MYH14: variants seen among roughly 807,000 people sequenced by gnomAD.
The protein encoded by MYH14 is myosin heavy chain 14.
A neutral mutation model predicts 255.5 loss-of-function variants in MYH14; 123 were observed. The observed-to-expected ratio is 0.48, with a 90% CI of 0.42 to 0.56. The LOEUF (loss-of-function observed/expected upper bound fraction) is 0.56. Among genes scored for constraint, MYH14 ranks in the 20% least tolerant of loss-of-function variants. The probability of loss-of-function intolerance (pLI) is 0.00; values close to 1 mark genes in which losing one functional copy is unlikely to be tolerated. For synonymous variants in MYH14, 1,095 were observed against 1,161.2 expected, an observed-to-expected ratio of 0.94 and a Z score of 1.16; for missense variants, 2,423 against 2,802.3, an observed-to-expected ratio of 0.86 and a Z score of 3.06.
Position 50,250,506 on chromosome 19 carries a change from A to G in MYH14, c.1657-9A>G. On this transcript the variant is annotated splice_polypyrimidine_tract_variant and intron_variant, in intron 14 of 42. Transcript: ENST00000642316. This position sits in a 1 kb window ranked among gnomAD's most constrained non-coding sequence, Gnocchi z 5.4. ...TCTGACTTACTCTCCCCCTGCTGTC[A>G]ATGGCCAGGCCAACCCCCCTGGACT... 1 of 1,611,554 alleles carries G rather than the reference A, an allele frequency of 6.2e-7. No individual in the cohort carries two copies. The highest frequency in any genetic ancestry group is 8.5e-7 in the Non-Finnish European group (1 of 1,178,920).
At chr19:50,299,944 CAA>C (rs761909705) in intron 39 of MYH14, among the ~76,000 whole-genome samples, 2 of 151,874 alleles carry the variant, frequency 1.3e-5, no homozygotes, top group Non-Finnish European at 2.9e-5. Context: ...GACTGTGTCT[CAA>C]AACAAACAAA....
At position 50,230,660 on chromosome 19, in the gene MYH14, G is replaced by C. The variant is rs769502423; in HGVS notation, c.973+37G>C. ...CCCGTCCTACCCTGCTCACCCGGGA[G>C]AGGGTGGGCACCATGTCTCTCGGGG... On this transcript the variant is annotated intron_variant, in intron 9 of 42. Transcript: ENST00000642316. This position sits in a 1 kb window ranked among gnomAD's most constrained non-coding sequence, Gnocchi z 4.7. The C allele has an allele frequency of 2.5e-5, 38 of 1,524,942 alleles. No homozygotes were observed. Among genetic ancestry groups the C allele is most frequent in the Non-Finnish European group, 3.4e-5 (38 of 1,123,958 alleles). The allele number at this position is 1,524,942 out of a possible 1,614,324, so 94.5% of individuals were successfully genotyped here.
chr19:50,230,019 A>T lies in MYH14; in HGVS notation c.875-506A>T, dbSNP rs920887596. ...AACCTCCTCCTCCCGGGTTCAAGCG[A>T]TTCTCCTGCCTCAGCCTCCCAAGCA... On this transcript the variant is annotated intron_variant, in intron 8 of 42. Transcript: ENST00000642316. The surrounding 1 kb of genome is among the most constrained non-coding windows in gnomAD (Gnocchi z 4.7). 1.2e-4 allele frequency among the ~76,000 whole-genome samples: 19 copies of T among 152,088 alleles called. No homozygotes were observed. The highest frequency in any genetic ancestry group is 2.6e-4 in the Non-Finnish European group (18 of 68,000).
intron 34 of MYH14, 45 bp downstream of exon 34, chr19:50,286,739 A>G (rs2035904962): frequency 6.0e-6 from 9 of 1,490,458 alleles, no homozygotes; most frequent in Non-Finnish European, 8.2e-6. Flanking sequence ...GTGAGGGGAG[A>G]CACGTACATG....
At chr19:50,296,437 G>A (rs1209601680) in intron 39 of MYH14, among the ~76,000 whole-genome samples, 2 of 146,214 alleles carry the variant, frequency 1.4e-5, no homozygotes, top group Admixed American at 6.6e-5. Context: ...GTAAGACCCC[G>A]TCTCTACAAA....
At position 50,280,526 on chromosome 19, in the gene MYH14, T is replaced by A; in HGVS notation, c.4290+143T>A. 1 of 871,110 alleles carries A rather than the reference T, an allele frequency of 1.1e-6. No individual in the cohort carries two copies. Among genetic ancestry groups the A allele is most frequent in the Non-Finnish European group, 1.7e-6 (1 of 584,672 alleles). The allele number at this position is 871,110 out of a possible 1,614,324, so 54.0% of individuals were successfully genotyped here. A position where few individuals can be genotyped will look rare whatever the true frequency, so the allele number is the denominator to read the frequency against. ...GCCTTTCTCATCTCTGACTCCCCCT[T>A]ACCCCCCACAGCCCATGCCCAGCCC... On this transcript the variant is annotated intron_variant, in intron 32 of 42. Coordinates refer to ENST00000642316, the MANE Select transcript of MYH14 (RefSeq NM_001145809.2). The surrounding 1 kb of genome is among the most constrained non-coding windows in gnomAD (Gnocchi z 4.8).
Position 50,210,657 on chromosome 19 carries a change from C to A in MYH14, c.292C>A (p.Arg98Ser), listed in dbSNP as rs1270300751. The change falls in exon 2 of 43, where the codon CGC becomes AGC. Residue 98 changes from arginine to serine, a missense_variant. Coordinates refer to ENST00000642316, the MANE Select transcript of MYH14 (RefSeq NM_001145809.2). ...RLRLPRDQIQ[R>S]MNPPKFSKAE... ...GCGACTGCCGCGGGACCAGATCCAG[C>A]GCATGAACCCGCCCAAGTTCAGCAA... 5 of 1,570,154 alleles carry A rather than the reference C, an allele frequency of 3.2e-6. No homozygotes were observed. Among genetic ancestry groups the A allele is most frequent in the Non-Finnish European group, 4.3e-6 (5 of 1,159,250 alleles).
At chr19:50,282,476 C>T (rs1429028628) in intron 33 of MYH14, among the ~76,000 whole-genome samples, 2 of 152,140 alleles carry the variant, frequency 1.3e-5, no homozygotes, top group African/African-American at 4.8e-5. Context: ...CCAAGGCGGG[C>T]GGATTGCCTG....
At chr19:50,281,034 C>T (rs2035700613) in intron 32 of MYH14, among the ~76,000 whole-genome samples, 1 of 152,176 alleles carries the variant, frequency 6.6e-6, no homozygotes, top group Admixed American at 6.5e-5. Context: ...CTGAGAGCCC[C>T]TTCAAACTAG....
chr19:50,299,658 T>C (rs2036409518), intron 39 of MYH14, among the ~76,000 whole-genome samples: 1 of 149,278 alleles, frequency 6.7e-6, no homozygotes, highest in East Asian at 2.0e-4. Flanking sequence ...AAAAGACATA[T>C]ATCTGGCCGG....
chr19:50,210,590 G>A lies in MYH14; in HGVS notation c.225G>A (p.Glu75=). ...FEAAALRDEG[E]EEAEVELAES... ...CGGCGGCGCTGCGGGACGAAGGCGA[G>A]GAGGAGGCGGAGGTGGAGCTGGCGG... Residue 75 remains glutamate, a synonymous_variant, in exon 2 of 43, where the codon GAG becomes GAA. Coordinates refer to ENST00000642316, the MANE Select transcript of MYH14 (RefSeq NM_001145809.2). 1.3e-6 allele frequency: 2 copies of A among 1,572,888 alleles called. No individual in the cohort carries two copies. Among genetic ancestry groups the A allele is most frequent in the Non-Finnish European group, 1.7e-6 (2 of 1,160,222 alleles).
rs2035997624 is a variant in MYH14 at position 50,289,538 on chromosome 19, G to T, written c.4855G>T (p.Ala1619Ser). The T allele has an allele frequency of 6.2e-7, 1 of 1,612,892 alleles. No homozygotes were observed. Among genetic ancestry groups the T allele is most frequent in the Non-Finnish European group, 8.5e-7 (1 of 1,179,604 alleles). ...GGATGAGCTGACAGCGGCCGAGGAT[G>T]CCAAGCTGCGTCTGGAGGTGACTGT... ...LEDELTAAED[A>S]KLRLEVTVQA... The change falls in exon 35 of 43, where the codon GCC (alanine) becomes TCC (serine). Residue 1619 changes from alanine to serine, a missense_variant. By Grantham distance (99) the Ala-to-Ser change is moderately conservative. Around this residue, in one of 3 missense-constraint regions of MYH14, gnomAD observed 1,513 missense variants for 1,674.8 expected, o/e 0.90. Transcript: ENST00000642316.
chr19:50,239,025 TTC>T (rs1051754430), intron 10 of MYH14, among the ~76,000 whole-genome samples: 2 of 151,934 alleles, frequency 1.3e-5, no homozygotes, highest in African/African-American at 2.4e-5. Context: ...ACAAAAAAAA[TTC>T]TCTCTTGCGC....
chr19:50,291,532 C>T (rs920024291), intron 36 of MYH14, among the ~76,000 whole-genome samples: 13 of 152,080 alleles, frequency 8.5e-5, no homozygotes, highest in Admixed American at 6.5e-5. Flanking sequence ...TCAAGTGATC[C>T]ACCCGCCCCC....
rs923025376 is a variant in MYH14 at position 50,266,755 on chromosome 19, G to T, written c.2695-122G>T. The T allele has an allele frequency of 8.3e-6, 11 of 1,319,920 alleles. No homozygotes were observed. The highest frequency in any genetic ancestry group is 3.7e-4 in the Middle Eastern group (2 of 5,456). 81.8% of individuals were successfully genotyped at this position (1,319,920 alleles called of 1,614,324 possible). The stretch of plus-strand genomic sequence containing the variant: ...CCTGTGACCAGGGACTGTTGCCAAG[G>T]CGGGGACACACAGCTAATAGGTGGA... On this transcript the variant is annotated intron_variant, in intron 22 of 42. Transcript: ENST00000642316. The surrounding 1 kb of genome is among the most constrained non-coding windows in gnomAD (Gnocchi z 4.1).
chr19:50,309,767 T>TCCCCCCCCCCCCC lies in MYH14; in HGVS notation c.6092_6093insCCCCCCCCCCCCC (p.Ala2033ProfsTer18). On this transcript the variant is annotated frameshift_variant, in exon 43 of 43. Transcript: ENST00000642316. LOFTEE classifies it high-confidence loss of function. Reference sequence around the variant, plus strand: ...TGGGCCATCCCCGGAGCCTGAGGGGTCCCCACCAGCCCACCCCCAGTGACC... The same window carrying TCCCCCCCCCCCCC: ...TGGGCCATCCCCGGAGCCTGAGGGGTCCCCCCCCCCCCCCCCCACCAGCCCACCCCCAGTGACC... 1.9e-6 allele frequency: 3 copies of TCCCCCCCCCCCCC among 1,570,868 alleles called. No homozygotes were observed. The highest frequency in any genetic ancestry group is 1.7e-6 in the Non-Finnish European group (2 of 1,155,592).
intron 23 of MYH14, 139 bp downstream of exon 23, chr19:50,267,147 A>G: frequency 1.2e-6 from 1 of 863,574 alleles, no homozygotes; most frequent in Non-Finnish European, 1.8e-6. Context: ...ATGGGAGCAA[A>G]GCTAAGGTGT....
chr19:50,287,203 C>T (rs2035921601), intron 34 of MYH14, among the ~76,000 whole-genome samples: 2 of 152,182 alleles, frequency 1.3e-5, no homozygotes, highest in African/African-American at 4.8e-5. Flanking sequence ...CTCCACCAAA[C>T]ACTGTGCTAA....
In MYH14 at chr19:50,236,079, C is replaced by G. The variant is rs1600906979; in HGVS notation, c.1114+4009C>G. 3.3e-5 allele frequency among the ~76,000 whole-genome samples: 5 copies of G among 151,850 alleles called. No individual in the cohort carries two copies. The South Asian group carries it at 8.3e-4, about 25-fold the overall frequency. On this transcript the variant is annotated intron_variant, in intron 10 of 42. Coordinates refer to ENST00000642316, the MANE Select transcript of MYH14 (RefSeq NM_001145809.2). Reference sequence around the variant, plus strand: ...CAGCGCAGTGGCTCACGCCTGTAATCCCAGCACTTTCAGAGGCCAAAGCAG... The same window carrying G: ...CAGCGCAGTGGCTCACGCCTGTAATGCCAGCACTTTCAGAGGCCAAAGCAG...
Sources: allele counts gnomAD v4.1 joint callset (sites outside exome capture counted in the v4.1 genomes callset), GRCh38; gene constraint gnomAD v4.1.1; regional missense constraint gnomAD v4.1.1; non-coding constraint Gnocchi (gnomAD v3.1); transcripts MANE v1.5; gene names NCBI Gene and HGNC (gene_info 2026-07-23, HGNC 2026-07-21).